The following ATP8B3 variants were observed in gnomAD, a reference collection of about 807,000 sequenced individuals.
ATP8B3 encodes ATPase phospholipid transporting 8B3, also known as phospholipid-transporting ATPase IK.
ATP8B3 carries 141 observed loss-of-function variants against 140.9 expected under a neutral mutation model. That is an observed-to-expected ratio of 1.00 (90% CI 0.87 to 1.15). The LOEUF (loss-of-function observed/expected upper bound fraction) is 1.15, where lower values mean the gene tolerates loss of function less well. Ranked by LOEUF, ATP8B3 falls within the 50% of genes most tolerant of loss-of-function variation. The pLI is 0.00. For missense variants in ATP8B3, 1,874 were observed against 1,740.6 expected (o/e 1.08, Z -1.36); for synonymous variants, 765 against 714.6 (o/e 1.07, Z -1.13).
Position 1,784,831 on chromosome 19 carries a change from C to A in ATP8B3, c.3648G>T (p.Glu1216Asp). 6.2e-7 allele frequency: 1 copy of A among 1,605,560 alleles called. No individual in the cohort carries two copies. Among genetic ancestry groups the A allele is most frequent in the South Asian group, 1.1e-5 (1 of 89,294 alleles). Residue 1216 changes from glutamate (E) to aspartate (D), a missense_variant, in exon 28 of 29, where the codon GAG (glutamate) becomes GAT (aspartate). Glu to Asp is a conservative substitution (Grantham distance 45). This residue lies in a region of ATP8B3 where 840 missense variants were observed against 760.9 expected (regional missense o/e 1.10). Transcript: ENST00000310127. The stretch of plus-strand genomic sequence containing the variant: ...AGGCCCACCTCACCTTGGCACGTAG[C>A]TCCTTGAGGGCTGGGAAGATGACTC... ...ALRVIFPALKELRAKEEKVEE... is the reference protein window; with the variant it reads ...ALRVIFPALKDLRAKEEKVEE...
rs758881347 is a variant in ATP8B3 at position 1,809,797 on chromosome 19, G to A, written c.311-63C>T. ...CCCAGGACAAACACCCCTAATGACC[G>A]CCCGGAGGAGGGCTCATGGGGCCCG... On this transcript the variant is annotated intron_variant, in intron 3 of 28. Coordinates refer to ENST00000310127, the MANE Select transcript of ATP8B3 (RefSeq NM_138813.4). The A allele has an allele frequency of 4.0e-5, 58 of 1,454,156 alleles. No homozygotes were observed. In the Admixed American group the frequency reaches 5.5e-4, roughly 14 times the overall value. 90.1% of individuals were successfully genotyped at this position (1,454,156 alleles called of 1,614,324 possible).
At chr19:1,789,150 C>G (rs775045978) in intron 23 of ATP8B3, 30 bp from the exon 24 acceptor site, 5 of 1,515,334 alleles carry the variant, frequency 3.3e-6, no homozygotes, top group Admixed American at 2.0e-5. Flanking sequence ...GGTCAGCCCC[C>G]CGCACGCCCC....
At chr19:1,790,602 A>C (rs1600409324) in intron 21 of ATP8B3, among the ~76,000 whole-genome samples, 155 bp downstream of exon 21, 1 of 28,946 alleles carries the variant, frequency 3.5e-5, no homozygotes, top group Admixed American at 5.0e-4. Flanking sequence ...TCCACTCCCC[A>C]TTACCACACT....
intron 25 of ATP8B3, 39 bp from the exon 26 acceptor site, chr19:1,785,747 C>T (rs761916891): frequency 2.1e-5 from 30 of 1,416,022 alleles, no homozygotes; most frequent in Middle Eastern, 1.8e-4. Flanking sequence ...GGGTGGGGGG[C>T]GGGGGACACC....
chr19:1,799,798 A>C, intron 14 of ATP8B3, 149 bp downstream of exon 14: 1 of 845,126 alleles, frequency 1.2e-6, no homozygotes. Flanking sequence ...GCCCCCTCCA[A>C]AGGAAACCAG....
intron 19 of ATP8B3, 61 bp downstream of exon 19, chr19:1,791,940 G>A (rs770023628): frequency 1.4e-5 from 22 of 1,582,552 alleles, no homozygotes; most frequent in Non-Finnish European, 1.6e-5. Context: ...GAGTCCCAGG[G>A]CCCCCTTGGG....
At chr19:1,808,784 C>T (rs937820548) in intron 4 of ATP8B3, among the ~76,000 whole-genome samples, 1 of 152,228 alleles carries the variant, frequency 6.6e-6, no homozygotes, top group African/African-American at 2.4e-5. Flanking sequence ...TTAACTGACC[C>T]TCACGTGCAC....
At chr19:1,804,787 CA>C (rs1355812197) in intron 10 of ATP8B3, among the ~76,000 whole-genome samples, 3 of 151,822 alleles carry the variant, frequency 2.0e-5, no homozygotes, top group Non-Finnish European at 2.9e-5. Context: ...GCCTGGGAGA[CA>C]AGAGCGAAAC....
chr19:1,791,708 A>G, intron 20 of ATP8B3, 42 bp downstream of exon 20: 2 of 1,477,970 alleles, frequency 1.4e-6, no homozygotes, highest in Non-Finnish European at 1.9e-6. Flanking sequence ...TTGAAGACCC[A>G]TGCTGCAGGG....
chr19:1,799,792 C>T (rs180985933), intron 14 of ATP8B3, 155 bp downstream of exon 14: 1 of 775,378 alleles, frequency 1.3e-6, no homozygotes, highest in South Asian at 1.7e-5. Flanking sequence ...TTCCTGGCCC[C>T]CTCCAAAGGA....
At chr19:1,808,601 A>G (rs35635861) in intron 4 of ATP8B3, among the ~76,000 whole-genome samples, 69,194 of 150,994 alleles carry the variant, frequency 0.46, 16,860 homozygotes, top group Middle Eastern at 0.62. Flanking sequence ...AAGGCCTCAG[A>G]CCAGCATTTA....
chr19:1,808,683 A>G (rs767642078), intron 4 of ATP8B3, among the ~76,000 whole-genome samples: 28 of 152,208 alleles, frequency 1.8e-4, no homozygotes, highest in Non-Finnish European at 3.5e-4. Flanking sequence ...GCAAAGACTC[A>G]TGGAGCTGTG....
At chr19:1,793,162 C>G (rs2068567989) in intron 18 of ATP8B3, among the ~76,000 whole-genome samples, 1 of 151,428 alleles carries the variant, frequency 6.6e-6, no homozygotes, top group Admixed American at 6.6e-5. Flanking sequence ...CCAATCATAG[C>G]TCACTGCAGC....
Position 1,806,175 on chromosome 19 carries a change from G to T in ATP8B3, c.678-6C>A. The T allele has an allele frequency of 6.3e-7, 1 of 1,585,050 alleles. No individual in the cohort carries two copies. The highest frequency in any genetic ancestry group is 2.3e-5 in the East Asian group (1 of 43,246). ...GCCATTTCTTCTGCTTGAAGCTGCG[G>T]GGAGAGGGGGTTGTGAAGGAGGCCC... On this transcript the variant is annotated splice_region_variant and splice_polypyrimidine_tract_variant and intron_variant, in intron 7 of 28. Transcript: ENST00000310127. This position sits in a 1 kb window ranked among gnomAD's most constrained non-coding sequence, Gnocchi z 5.6.
At position 1,787,179 on chromosome 19, in the gene ATP8B3, T is replaced by G. The variant is rs1212800809; in HGVS notation, c.3077A>C (p.Tyr1026Ser). 3 of 1,608,930 alleles carry G rather than the reference T, an allele frequency of 1.9e-6. No individual in the cohort carries two copies. The highest frequency in any genetic ancestry group is 2.5e-6 in the Non-Finnish European group (3 of 1,177,412). ...GAAAAGAGCCAGGAACCATCCTTCA[T>G]ACAGGGGCTGAGCCGGGGGAGAAGG... ...CYNGFTGQPL[Y>S]EGWFLALFNL... Residue 1026 changes from tyrosine (Y) to serine (S), a missense_variant, in exon 25 of 29, where the codon TAT becomes TCT. This residue lies in a region of ATP8B3 where 840 missense variants were observed against 760.9 expected (regional missense o/e 1.10). Coordinates refer to ENST00000310127, the MANE Select transcript of ATP8B3 (RefSeq NM_138813.4).
At chr19:1,790,128 C>A in intron 21 of ATP8B3, 139 bp from the exon 22 acceptor site, 1 of 620,624 alleles carries the variant, frequency 1.6e-6, no homozygotes, top group East Asian at 2.9e-5. Flanking sequence ...TCCCTCTTCC[C>A]CTCCCCTTTC....
At chr19:1,786,750 C>G (rs1252010920) in intron 25 of ATP8B3, among the ~76,000 whole-genome samples, 2 of 151,970 alleles carry the variant, frequency 1.3e-5, no homozygotes, top group East Asian at 3.9e-4. Context: ...CCCTCCCAAC[C>G]CCAGATCACG....
chr19:1,802,525 C>G lies in ATP8B3; in HGVS notation c.1025G>C (p.Arg342Pro). The change falls in exon 11 of 29, where the codon CGC becomes CCC. Residue 342 changes from arginine (R) to proline (P), a missense_variant. By Grantham distance (103) the Arg-to-Pro change is moderately radical (BLOSUM62 -2). Coordinates refer to ENST00000310127, the MANE Select transcript of ATP8B3 (RefSeq NM_138813.4). ...GNLLLRGCRI[R>P]NTDTCYGLVI... ...CAGTCCATAGCAGGTGTCTGTGTTGCGAATCCTGCAGCCTCGGAGGAGGAG... is the reference window on the plus strand; with the variant it reads ...CAGTCCATAGCAGGTGTCTGTGTTGGGAATCCTGCAGCCTCGGAGGAGGAG... 6.3e-7 allele frequency: 1 copy of G among 1,592,788 alleles called. No homozygotes were observed. Among genetic ancestry groups the G allele is most frequent in the Non-Finnish European group, 8.5e-7 (1 of 1,171,652 alleles).
Position 1,807,338 on chromosome 19 carries a change from C to A in ATP8B3, c.517-72G>T. On this transcript the variant is annotated intron_variant, in intron 5 of 28. Transcript: ENST00000310127. This position sits in a 1 kb window ranked among gnomAD's most constrained non-coding sequence, Gnocchi z 5.9. ...GTCCCCTGCCCTTCCACCAAGCCGA[C>A]CTAGCCCCGCACTCGACACCACGTG... The A allele has an allele frequency of 7.8e-7, 1 of 1,278,700 alleles. No homozygotes were observed. 79.2% of individuals were successfully genotyped at this position (1,278,700 alleles called of 1,614,324 possible). A position where few individuals can be genotyped will look rare whatever the true frequency, so the allele number is the denominator to read the frequency against.
Sources: gnomAD v4.1 joint callset for allele counts (sites outside exome capture counted in the v4.1 genomes callset) on GRCh38, gnomAD v4.1.1 for gene constraint, gnomAD v4.1.1 regional missense constraint, Gnocchi (gnomAD v3.1) non-coding constraint, MANE v1.5 for transcripts, NCBI Gene and HGNC (gene_info 2026-07-23, HGNC 2026-07-21) for gene names.